Variants in AFG1L observed in about 807,000 individuals in gnomAD.
The protein encoded by AFG1L is AFG1-like ATPase.
AFG1L carries 53 observed loss-of-function variants against 62.2 expected under a neutral mutation model. The observed-to-expected ratio is 0.85, with a 90% CI of 0.68 to 1.07. The LOEUF is 1.07. Ranked by LOEUF, AFG1L falls within the 50% of genes least tolerant of loss-of-function variation. The pLI is 0.00. For missense variants in AFG1L, 555 were observed against 590.5 expected, an observed-to-expected ratio of 0.94 and a Z score of 0.62; for synonymous variants, 228 against 210.3, an observed-to-expected ratio of 1.08 and a Z score of -0.73.
chr6:108,420,981 A>G (rs1452665638), intron 7 of AFG1L, among the ~76,000 whole-genome samples: 4 of 152,062 alleles, frequency 2.6e-5, no homozygotes, highest in Non-Finnish European at 5.9e-5. Context: ...ACACGTGGCA[A>G]TTTTCTTGGC....
chr6:108,295,500 C>T (rs1294757995), intron 1 of AFG1L, among the ~76,000 whole-genome samples: 2 of 151,902 alleles, frequency 1.3e-5, no homozygotes, highest in Non-Finnish European at 2.9e-5. Context: ...GTGGGAGTGC[C>T]TGGCTTGAAG....
Position 108,522,490 on chromosome 6 carries a change from G to A in AFG1L, c.*65G>A. The A allele has an allele frequency of 6.7e-7, 1 of 1,494,872 alleles. No individual in the cohort carries two copies. Among genetic ancestry groups the A allele is most frequent in the Non-Finnish European group, 9.1e-7 (1 of 1,100,502 alleles). 92.6% of individuals were successfully genotyped at this position (1,494,872 alleles called of 1,614,324 possible). On this transcript the variant is annotated 3_prime_UTR_variant, in exon 13 of 13. Coordinates refer to ENST00000368977, the MANE Select transcript of AFG1L (RefSeq NM_145315.5). Reference sequence around the variant, plus strand: ...AACGCAGGCAGAACTCCTTATTGTGGGACTTGAAGGAATCATTTTCTCATC... The same window carrying A: ...AACGCAGGCAGAACTCCTTATTGTGAGACTTGAAGGAATCATTTTCTCATC...
chr6:108,348,134 G>A (rs1160578976), intron 3 of AFG1L, among the ~76,000 whole-genome samples: 7 of 152,082 alleles, frequency 4.6e-5, no homozygotes, highest in Non-Finnish European at 7.4e-5. Context: ...AGGCTGGTGC[G>A]GTGGCGCGAT....
intron 7 of AFG1L, among the ~76,000 whole-genome samples, chr6:108,439,143 G>A (rs144489913): frequency 4.6e-5 from 7 of 152,262 alleles, no homozygotes; most frequent in African/African-American, 1.4e-4. Context: ...ACCACACAGC[G>A]TGACAATTGG....
At chr6:108,369,078 A>G (rs1202572168) in intron 6 of AFG1L, among the ~76,000 whole-genome samples, 4 of 152,196 alleles carry the variant, frequency 2.6e-5, no homozygotes, top group African/African-American at 9.7e-5. Flanking sequence ...TTAATATTTT[A>G]AAGTAATGAA....
At chr6:108,378,115 T>C (rs1015182446) in intron 6 of AFG1L, among the ~76,000 whole-genome samples, 5 of 151,466 alleles carry the variant, frequency 3.3e-5, no homozygotes, top group African/African-American at 1.2e-4. Flanking sequence ...CTTGGTCCAG[T>C]CCATTTATAA....
intron 7 of AFG1L, among the ~76,000 whole-genome samples, chr6:108,441,712 A>AAAATATATATATATATAT (rs1401294615): frequency 7.2e-6 from 1 of 139,486 alleles, no homozygotes; most frequent in African/African-American, 2.8e-5. Context: ...AAAAAAAAAA[A>AAAATATATATATATATAT]ATATATATAT....
At chr6:108,427,713 G>T (rs1770889212) in intron 7 of AFG1L, among the ~76,000 whole-genome samples, 1 of 151,740 alleles carries the variant, frequency 6.6e-6, no homozygotes, top group Non-Finnish European at 1.5e-5. Flanking sequence ...GTAGAGACAG[G>T]GTTTCACCAT....
At chr6:108,514,791 G>T (rs1774810963) in intron 11 of AFG1L, among the ~76,000 whole-genome samples, 1 of 152,242 alleles carries the variant, frequency 6.6e-6, no homozygotes, top group Non-Finnish European at 1.5e-5. Flanking sequence ...CAAAATAAAA[G>T]GATGGAGGAA....
At chr6:108,397,891 T>C (rs1322924821) in intron 6 of AFG1L, among the ~76,000 whole-genome samples, 1 of 152,242 alleles carries the variant, frequency 6.6e-6, no homozygotes, top group East Asian at 1.9e-4. Flanking sequence ...TCTTGGTTAT[T>C]GTGAACAGTG....
chr6:108,346,644 AG>A (rs1247192105), intron 2 of AFG1L, among the ~76,000 whole-genome samples: 6 of 152,164 alleles, frequency 3.9e-5, no homozygotes, highest in Admixed American at 6.5e-5. Context: ...CTCAGATTAT[AG>A]GTGTGAGCCA....
intron 8 of AFG1L, among the ~76,000 whole-genome samples, chr6:108,448,012 T>A (rs1281684137): frequency 6.6e-6 from 1 of 152,180 alleles, no homozygotes; most frequent in Non-Finnish European, 1.5e-5. Flanking sequence ...AAAAGGCATG[T>A]TTCTGGTAAT....
At chr6:108,392,360 G>T (rs1781094988) in intron 6 of AFG1L, among the ~76,000 whole-genome samples, 2 of 152,080 alleles carry the variant, frequency 1.3e-5, no homozygotes, top group African/African-American at 4.8e-5. Context: ...TTACTTTTAG[G>T]TGATGTATAT....
At chr6:108,376,897 G>C (rs942595482) in intron 6 of AFG1L, among the ~76,000 whole-genome samples, 1 of 152,028 alleles carries the variant, frequency 6.6e-6, no homozygotes, top group African/African-American at 2.4e-5. Context: ...ATAGGTACTT[G>C]TTTTATGAAT....
intron 7 of AFG1L, among the ~76,000 whole-genome samples, chr6:108,411,632 C>A (rs1273117246): frequency 1.3e-5 from 2 of 152,222 alleles, no homozygotes; most frequent in African/African-American, 2.4e-5. Flanking sequence ...GCTGCTGATA[C>A]CCAGGCAAAC....
intron 1 of AFG1L, among the ~76,000 whole-genome samples, chr6:108,309,244 C>T (rs1777316218): frequency 6.6e-6 from 1 of 152,186 alleles, no homozygotes; most frequent in African/African-American, 2.4e-5. Context: ...GATCCAGCAA[C>T]ATTTTTTATA....
At chr6:108,305,676 G>A (rs989840207) in intron 1 of AFG1L, among the ~76,000 whole-genome samples, 27 of 152,110 alleles carry the variant, frequency 1.8e-4, no homozygotes, top group Non-Finnish European at 2.2e-4. Context: ...CAAGCAGTGC[G>A]CCCGCCTCAG....
At chr6:108,312,775 T>G (rs1026950532) in intron 1 of AFG1L, among the ~76,000 whole-genome samples, 3 of 152,114 alleles carry the variant, frequency 2.0e-5, no homozygotes, top group Non-Finnish European at 4.4e-5. Context: ...TGTTTTTTTT[T>G]TGGTTGTGAG....
chr6:108,431,597 CTTT>C (rs5878977), intron 7 of AFG1L, among the ~76,000 whole-genome samples: 10 of 98,442 alleles, frequency 1.0e-4, no homozygotes, highest in Non-Finnish European at 1.2e-4. Context: ...TTCTTTGTTG[CTTT>C]TTTTTTTTTT....
Sources: allele counts gnomAD v4.1 joint callset (sites outside exome capture counted in the v4.1 genomes callset), GRCh38; gene constraint gnomAD v4.1.1; transcripts MANE v1.5; gene names NCBI Gene and HGNC (gene_info 2026-07-23, HGNC 2026-07-21).